Variants in DCHS1 observed in about 807,000 individuals in gnomAD.
The protein encoded by DCHS1 is dachsous cadherin-related 1.
Under a neutral mutation model 213.9 loss-of-function variants are expected in DCHS1, and 78 were observed. The ratio of observed to expected loss-of-function variants is 0.36; its 90% CI spans 0.30 to 0.44. The LOEUF (loss-of-function observed/expected upper bound fraction) is 0.44, where lower values mean the gene tolerates loss of function less well. Ranked by LOEUF, DCHS1 falls within the 20% of genes least tolerant of loss-of-function variation. The pLI, the probability that DCHS1 is intolerant of heterozygous loss-of-function variation, is 1.00. For synonymous variants in DCHS1, 1,828 were observed against 1,873.7 expected, an observed-to-expected ratio of 0.98 and a Z score of 0.63; for missense variants, 3,946 against 4,395.9, an observed-to-expected ratio of 0.90 and a Z score of 2.89.
Position 6,634,164 on chromosome 11 carries a change from T to C in DCHS1, c.1940A>G (p.Asp647Gly), listed in dbSNP as rs767120781. The change falls in exon 3 of 21, where the codon GAC (aspartate) becomes GGC (glycine). Residue 647 changes from aspartate (D) to glycine (G), a missense_variant. By Grantham distance (94) the Asp-to-Gly change is moderately conservative. Transcript: ENST00000299441. ...DVCTTRTLDRDQGPSSFDFTV... is the reference protein window; with the variant it reads ...DVCTTRTLDRGQGPSSFDFTV... ...GAAGTCAAAGCTTGAGGGCCCCTGG[T>C]CACGGTCCAGGGTCCGGGTTGTGCA... 1 of 1,611,392 alleles carries C rather than the reference T, an allele frequency of 6.2e-7. No individual in the cohort carries two copies. The highest frequency in any genetic ancestry group is 8.5e-7 in the Non-Finnish European group (1 of 1,178,088).
Position 6,632,808 on chromosome 11 carries a change from A to G in DCHS1, c.2704T>C (p.Leu902=). ...PAFPAPEDTV[L]LPPNTAPGTP... is the part of the protein sequence containing the mutation. ...CCTGGGGCAGTGTTTGGTGGTAGCA[A>G]TACCGTGTCTTCAGGTGCAGGAAAG... The change falls in exon 6 of 21, where the codon TTG becomes CTG. Residue 902 remains leucine, a synonymous_variant. Transcript: ENST00000299441. The surrounding 1 kb of genome is among the most constrained non-coding windows in gnomAD (Gnocchi z 5.9). 6.2e-7 allele frequency: 1 copy of G among 1,613,984 alleles called. No individual in the cohort carries two copies. The highest frequency in any genetic ancestry group is 8.5e-7 in the Non-Finnish European group (1 of 1,179,872).
rs749373173 is a variant in DCHS1, at chr11:6,630,135, GCGC to G, written c.4656_4658del (p.Arg1553del). The G allele has an allele frequency of 6.2e-7, 1 of 1,605,478 alleles. No individual in the cohort carries two copies. Among genetic ancestry groups the G allele is most frequent in the Admixed American group, 1.7e-5 (1 of 59,310 alleles). On this transcript the variant is annotated inframe_deletion, in exon 10 of 21. Coordinates refer to ENST00000299441, the MANE Select transcript of DCHS1 (RefSeq NM_003737.4). The stretch of plus-strand genomic sequence containing the variant: ...GCCCAGGCGGCTGGTCCTCTGGGAG[GCGC>G]ACGCGTGACGGCGAGGCGAAGACAG...
At chr11:6,629,142 T>TG (rs1404325183) in intron 12 of DCHS1, among the ~76,000 whole-genome samples, 2 of 152,256 alleles carry the variant, frequency 1.3e-5, no homozygotes, top group Non-Finnish European at 2.9e-5. Context: ...GCAAGTCACT[T>TG]GACCTCTCCA....
rs1270733319 is a variant in DCHS1, at chr11:6,630,809, G to A, written c.3985C>T (p.Pro1329Ser). The change falls in exon 10 of 21, where the codon CCA becomes TCA. Residue 1329 changes from proline to serine, a missense_variant. Transcript: ENST00000299441. ...AGCACGACAGGCACTGGTGCCGCTG[G>A]GTCCCGCTCTGCGAGATCTGGGGGC... ...EPPPDLAERD[P>S]AAPVPVVLTV... The A allele has an allele frequency of 1.3e-6, 2 of 1,536,308 alleles. No homozygotes were observed. Among genetic ancestry groups the A allele is most frequent in the Non-Finnish European group, 1.8e-6 (2 of 1,138,668 alleles).
In DCHS1 at chr11:6,621,964, G is replaced by C; in HGVS notation, c.9712C>G (p.Pro3238Ala). The C allele has an allele frequency of 6.2e-7, 1 of 1,613,706 alleles. No individual in the cohort carries two copies. Among genetic ancestry groups the C allele is most frequent in the Non-Finnish European group, 8.5e-7 (1 of 1,179,838 alleles). The change falls in exon 21 of 21, where the codon CCC becomes GCC. Residue 3238 changes from proline (P) to alanine (A), a missense_variant. Around this residue, in one of 3 missense-constraint regions of DCHS1, gnomAD observed 554 missense variants for 590.2 expected, o/e 0.94. Coordinates refer to ENST00000299441, the MANE Select transcript of DCHS1 (RefSeq NM_003737.4). ...AIFPPASHRS[P>A]ISHEGSLSSA... ...GACAGGGAGCCTTCATGGCTGATGG[G>C]GGAGCGGTGAGAAGCTGGTGGGAAG...
intron 1 of DCHS1, among the ~76,000 whole-genome samples, chr11:6,650,470 GA>G (rs1208870010): frequency 6.6e-6 from 1 of 152,206 alleles, no homozygotes; most frequent in Non-Finnish European, 1.5e-5. Flanking sequence ...GAACCCCTGG[GA>G]GGGGCTTTTC....
In DCHS1 at chr11:6,626,880, C is replaced by T; in HGVS notation, c.6159G>A (p.Val2053=). 6.2e-7 allele frequency: 1 copy of T among 1,613,566 alleles called. No homozygotes were observed. Among genetic ancestry groups the T allele is most frequent in the South Asian group, 1.1e-5 (1 of 91,078 alleles). ...CTTCCCCCTGCAGTCCAACAATGAT[C>T]ACACCAGTGGCAGAGCGAGCTGGAC... ...LGRPARSATG[V]IIVGLQGEAE... Residue 2053 remains valine, a synonymous_variant, in exon 14 of 21, where the codon GTG becomes GTA. Transcript: ENST00000299441. The surrounding 1 kb of genome is among the most constrained non-coding windows in gnomAD (Gnocchi z 5.2).
chr11:6,634,742 A>C (rs755426288), intron 2 of DCHS1, among the ~76,000 whole-genome samples: 2 of 151,918 alleles, frequency 1.3e-5, no homozygotes, highest in Non-Finnish European at 2.9e-5. Context: ...GGACCATTTA[A>C]ACAGTGAAAT....
intron 2 of DCHS1, among the ~76,000 whole-genome samples, chr11:6,635,984 G>A (rs903344530): frequency 2.0e-5 from 3 of 152,068 alleles, no homozygotes; most frequent in African/African-American, 7.2e-5. Flanking sequence ...GACCTTGGTC[G>A]GCTCCCTCTC....
Position 6,632,033 on chromosome 11 carries a change from G to A in DCHS1, c.3479C>T (p.Thr1160Ile). ...DSKAFRIHPQ[T>I]GEVTTLQTLD... ...AGGATTTGGGTCTCTGTGCTCACCA[G>A]TCTGGGGGTGGATGCGGAAGGCCTT... Residue 1160 changes from threonine (T) to isoleucine (I), a missense_variant and splice_region_variant, in exon 6 of 21, where the codon ACT becomes ATT. This residue lies in a region of DCHS1 where 3,384 missense variants were observed against 3,780.1 expected (regional missense o/e 0.90). Transcript: ENST00000299441. The surrounding 1 kb of genome is among the most constrained non-coding windows in gnomAD (Gnocchi z 5.9). 1 of 1,511,578 alleles carries A rather than the reference G, an allele frequency of 6.6e-7. No individual in the cohort carries two copies. The highest frequency in any genetic ancestry group is 8.8e-7 in the Non-Finnish European group (1 of 1,132,676). The allele number at this position is 1,511,578 out of a possible 1,614,324, so 93.6% of individuals were successfully genotyped here.
Position 6,655,628 on chromosome 11 carries a change from G to A in DCHS1, c.-186C>T, listed in dbSNP as rs1278879613. 1 of 978,540 alleles carries A rather than the reference G, an allele frequency of 1.0e-6. No individual in the cohort carries two copies. Among genetic ancestry groups the A allele is most frequent in the Non-Finnish European group, 1.2e-6 (1 of 826,768 alleles). The allele number at this position is 978,540 out of a possible 1,614,324, so 60.6% of individuals were successfully genotyped here. Reference sequence around the variant, plus strand: ...CGTCCGGCCGCGGTCAGCCCCCCGGGCAGCGCCCGCTCGCGCGGGGCCTGA... The same window carrying A: ...CGTCCGGCCGCGGTCAGCCCCCCGGACAGCGCCCGCTCGCGCGGGGCCTGA... On this transcript the variant is annotated 5_prime_UTR_variant, in exon 1 of 21. Transcript: ENST00000299441.
At position 6,625,967 on chromosome 11, in the gene DCHS1, A is replaced by G. The variant is rs1401827681; in HGVS notation, c.6684T>C (p.Thr2228=). Reference sequence around the variant, plus strand: ...GGTCCAGGATGGCTGTGGTAGTGATAGTGCCTGTGGTTGGGTCTACGTGGA... The same window carrying G: ...GGTCCAGGATGGCTGTGGTAGTGATGGTGCCTGTGGTTGGGTCTACGTGGA... ...GLFHVDPTTG[T]ITTTAILDRE... Residue 2228 remains threonine (T), a synonymous_variant, in exon 17 of 21, where the codon ACT becomes ACC. Coordinates refer to ENST00000299441, the MANE Select transcript of DCHS1 (RefSeq NM_003737.4). The surrounding 1 kb of genome is among the most constrained non-coding windows in gnomAD (Gnocchi z 5.3). 3 of 1,613,632 alleles carry G rather than the reference A, an allele frequency of 1.9e-6. No homozygotes were observed. The highest frequency in any genetic ancestry group is 2.5e-6 in the Non-Finnish European group (3 of 1,179,764).
intron 1 of DCHS1, among the ~76,000 whole-genome samples, chr11:6,654,432 T>A (rs962761400): frequency 6.6e-6 from 1 of 152,210 alleles, no homozygotes; most frequent in African/African-American, 2.4e-5. Context: ...TACTTGTTTG[T>A]TGCTGGTGAC....
chr11:6,630,813 C>A lies in DCHS1; in HGVS notation c.3981G>T (p.Arg1327=), dbSNP rs767029517. 6.5e-6 allele frequency: 10 copies of A among 1,535,200 alleles called. No homozygotes were observed. In the South Asian group the frequency reaches 9.6e-5, roughly 15 times the overall value. The change falls in exon 10 of 21, where the codon CGG becomes CGT. Residue 1327 remains arginine (R), a synonymous_variant. Transcript: ENST00000299441. ...CGACAGGCACTGGTGCCGCTGGGTCCCGCTCTGCGAGATCTGGGGGCGGCT... is the reference window on the plus strand; with the variant it reads ...CGACAGGCACTGGTGCCGCTGGGTCACGCTCTGCGAGATCTGGGGGCGGCT... ...LAEPPPDLAE[R]DPAAPVPVVL... is the part of the protein sequence containing the mutation.
rs773009200 is a variant in DCHS1 at position 6,624,128 on chromosome 11, G to A, written c.7548C>T (p.Ala2516=). The change falls in exon 21 of 21, where the codon GCC becomes GCT. Residue 2516 remains alanine (A), a synonymous_variant. Coordinates refer to ENST00000299441, the MANE Select transcript of DCHS1 (RefSeq NM_003737.4). Reference sequence around the variant, plus strand: ...CACTGATGATGCTGTAGTCCACAGCGGCATGGCTGCGGCTTCCATCAGCAT... The same window carrying A: ...CACTGATGATGCTGTAGTCCACAGCAGCATGGCTGCGGCTTCCATCAGCAT... ...ATDADGSRSH[A]AVDYSIISGN... is the part of the protein sequence containing the mutation. 2.4e-5 allele frequency: 38 copies of A among 1,611,738 alleles called. No homozygotes were observed. The highest frequency in any genetic ancestry group is 2.3e-4 in the South Asian group (21 of 90,894).
At position 6,633,806 on chromosome 11, in the gene DCHS1, G is replaced by A. The variant is rs755413358; in HGVS notation, c.2201C>T (p.Thr734Ile). ...ATCCTCACCTGATTGCTCATCCAAG[G>A]TAAAAAGTGGGGGGCTGTTGCCAGC... ...ILAGNSPPLF[T>I]LDEQSGLLTV... Residue 734 changes from threonine to isoleucine, a missense_variant, in exon 4 of 21, where the codon ACC becomes ATC. Thr to Ile is a moderately conservative substitution (Grantham distance 89, BLOSUM62 -1). Coordinates refer to ENST00000299441, the MANE Select transcript of DCHS1 (RefSeq NM_003737.4). The A allele has an allele frequency of 6.2e-7, 1 of 1,613,622 alleles. No individual in the cohort carries two copies.
Position 6,627,383 on chromosome 11 carries a change from C to A in DCHS1, c.5656G>T (p.Ala1886Ser). Residue 1886 changes from alanine to serine, a missense_variant, in exon 14 of 21, where the codon GCT (alanine) becomes TCT (serine). By Grantham distance (99) the Ala-to-Ser change is moderately conservative (BLOSUM62 1). Around this residue, in one of 3 missense-constraint regions of DCHS1, gnomAD observed 3,384 missense variants for 3,780.1 expected, o/e 0.90. Coordinates refer to ENST00000299441, the MANE Select transcript of DCHS1 (RefSeq NM_003737.4). The surrounding 1 kb of genome is among the most constrained non-coding windows in gnomAD (Gnocchi z 5.4). The part of the protein sequence containing the change: ...QLQAHDPDAG[A>S]NGHVTYYLGA... The stretch of plus-strand genomic sequence containing the variant: ...AGGTAGTAGGTCACATGGCCATTAG[C>A]TCCAGCATCAGGGTCATGAGCCTGT... 1 of 1,608,182 alleles carries A rather than the reference C, an allele frequency of 6.2e-7. No individual in the cohort carries two copies. The highest frequency in any genetic ancestry group is 8.5e-7 in the Non-Finnish European group (1 of 1,177,390).
chr11:6,621,623 C>T lies in DCHS1; in HGVS notation c.*156G>A. ...ACAGGGCTTCTGTGGTCCTAGTACT[C>T]TGAGGGGGCTGGGGAGTTCAGGGTG... On this transcript the variant is annotated 3_prime_UTR_variant, in exon 21 of 21. Coordinates refer to ENST00000299441, the MANE Select transcript of DCHS1 (RefSeq NM_003737.4). 2 of 847,662 alleles carry T rather than the reference C, an allele frequency of 2.4e-6. No individual in the cohort carries two copies. Among genetic ancestry groups the T allele is most frequent in the Middle Eastern group, 4.3e-4 (2 of 4,664 alleles). 52.5% of individuals were successfully genotyped at this position (847,662 alleles called of 1,614,324 possible).
At chr11:6,633,682 G>A in intron 4 of DCHS1, 34 bp from the exon 5 acceptor site, 2 of 1,610,290 alleles carry the variant, frequency 1.2e-6, no homozygotes, top group East Asian at 2.2e-5. Context: ...GATATATAAG[G>A]AAACATAATA....
Sources: gnomAD v4.1 joint callset for allele counts (sites outside exome capture counted in the v4.1 genomes callset) on GRCh38, gnomAD v4.1.1 for gene constraint, gnomAD v4.1.1 regional missense constraint, Gnocchi (gnomAD v3.1) non-coding constraint, MANE v1.5 for transcripts, NCBI Gene and HGNC (gene_info 2026-07-23, HGNC 2026-07-21) for gene names.